The following ZNF385D variants were observed in gnomAD, a reference collection of about 807,000 sequenced individuals.
The protein encoded by ZNF385D is zinc finger protein 385D.
In ZNF385D, 15 loss-of-function variants were observed where a neutral mutation model predicts 35.8. That is an observed-to-expected ratio of 0.42 (90% CI 0.28 to 0.64). ZNF385D has a LOEUF of 0.64. Ranked by LOEUF, ZNF385D falls within the 30% of genes least tolerant of loss-of-function variation. The pLI is 0.23. For missense variants in ZNF385D, 474 were observed against 494.6 expected, an observed-to-expected ratio of 0.96 and a Z score of 0.39; for synonymous variants, 212 against 186.8, an observed-to-expected ratio of 1.13 and a Z score of -1.10.
intron 1 of ZNF385D, among the ~76,000 whole-genome samples, chr3:21,727,621 A>G (rs1013139773): frequency 1.3e-5 from 2 of 152,250 alleles, no homozygotes; most frequent in Admixed American, 1.3e-4. Context: ...ATGAGATACC[A>G]TCTCACGCCA....
chr3:22,318,721 A>G (rs1022693986), intron 2 of ZNF385D, among the ~76,000 whole-genome samples: 1 of 152,202 alleles, frequency 6.6e-6, no homozygotes, highest in Non-Finnish European at 1.5e-5. Context: ...GGAAATCACA[A>G]ATTTTTAAAG....
At chr3:21,772,606 G>C (rs1011827591) in intron 3 of ZNF385D, among the ~76,000 whole-genome samples, 3 of 151,866 alleles carry the variant, frequency 2.0e-5, no homozygotes, top group Non-Finnish European at 4.4e-5. Context: ...TGCATTGTTG[G>C]TGGGAATGTA....
rs139281179 is a variant in ZNF385D at position 22,256,166 on chromosome 3, T to TATATACATATAC, written c.107-87143_107-87132dup. Among the ~76,000 whole-genome samples, 117 of 151,200 alleles carry TATATACATATAC rather than the reference T, an allele frequency of 7.7e-4. 1 individual carries two copies. Among genetic ancestry groups the TATATACATATAC allele is most frequent in the African/African-American group, 2.5e-3 (104 of 41,212 alleles). On this transcript the variant is annotated intron_variant, in intron 2 of 5. Transcript: ENST00000494108. ...CTGGCTCTCCTTGTTCGTCAGCATA[T>TATATACATATAC]ATATACATATACATATACATATACA...
At chr3:22,293,818 C>T (rs1702427533) in intron 2 of ZNF385D, among the ~76,000 whole-genome samples, 1 of 152,082 alleles carries the variant, frequency 6.6e-6, no homozygotes, top group Non-Finnish European at 1.5e-5. Flanking sequence ...GAATCAGTAT[C>T]CCTGGAGGTG....
intron 3 of ZNF385D, among the ~76,000 whole-genome samples, chr3:21,813,361 G>C (rs1463425010): frequency 6.6e-6 from 1 of 152,208 alleles, no homozygotes. Context: ...TTGACGAGTT[G>C]ACAGAAGTAG....
chr3:22,041,581 A>T (rs1698664766), intron 3 of ZNF385D, among the ~76,000 whole-genome samples: 1 of 152,202 alleles, frequency 6.6e-6, no homozygotes, highest in African/African-American at 2.4e-5. Flanking sequence ...TGATGCCATT[A>T]AACTCAGTAT....
chr3:22,239,017 A>G (rs1699344576), intron 2 of ZNF385D, among the ~76,000 whole-genome samples: 1 of 150,664 alleles, frequency 6.6e-6, no homozygotes, highest in Admixed American at 6.6e-5. Context: ...GCCTCCCCAA[A>G]TACTGGGATC....
intron 3 of ZNF385D, among the ~76,000 whole-genome samples, chr3:22,102,351 C>T (rs1406155522): frequency 6.6e-6 from 1 of 151,964 alleles, no homozygotes; most frequent in Non-Finnish European, 1.5e-5. Context: ...GAACCAAAAA[C>T]AGAGAGAAGC....
At chr3:21,569,938 A>T (rs1227030016) in intron 2 of ZNF385D, among the ~76,000 whole-genome samples, 64 of 145,428 alleles carry the variant, frequency 4.4e-4, no homozygotes, top group African/African-American at 7.5e-4. Flanking sequence ...GGATAGCATT[A>T]GGAGATATAC....
chr3:21,597,259 T>C (rs1460520396), intron 2 of ZNF385D, among the ~76,000 whole-genome samples: 1 of 152,100 alleles, frequency 6.6e-6, no homozygotes, highest in Non-Finnish European at 1.5e-5. Context: ...AGTATTATCA[T>C]GTGACTCGAA....
At chr3:21,771,510 G>T (rs941593189) in intron 3 of ZNF385D, among the ~76,000 whole-genome samples, 3 of 151,716 alleles carry the variant, frequency 2.0e-5, no homozygotes, top group Non-Finnish European at 4.4e-5. Context: ...AACAGAAATT[G>T]TTCCTAAAAA....
At chr3:21,521,189 G>A (rs537640409) in intron 3 of ZNF385D, among the ~76,000 whole-genome samples, 1 of 152,278 alleles carries the variant, frequency 6.6e-6, no homozygotes, top group Non-Finnish European at 1.5e-5. Flanking sequence ...GCTTACAGTT[G>A]AGCCAAATGT....
At chr3:22,168,782 T>C (rs2272363) in intron 3 of ZNF385D, 186,661 of 975,148 alleles carry the variant, frequency 0.19, 18,139 homozygotes, top group African/African-American at 0.21. Flanking sequence ...AAATTGATGA[T>C]GTAAAATTGA....
chr3:21,660,585 A>T (rs146885374), intron 2 of ZNF385D, among the ~76,000 whole-genome samples: 2 of 152,204 alleles, frequency 1.3e-5, no homozygotes, highest in Non-Finnish European at 2.9e-5. Context: ...TGAAGAAAAT[A>T]CATATGTTAG....
intron 3 of ZNF385D, among the ~76,000 whole-genome samples, chr3:22,066,783 T>A (rs1296217448): frequency 6.6e-6 from 1 of 152,164 alleles, no homozygotes; most frequent in East Asian, 1.9e-4. Context: ...GTTCATGACC[T>A]GAGATGTGTC....
At chr3:21,505,952 C>G (rs1298767213) in intron 4 of ZNF385D, among the ~76,000 whole-genome samples, 2 of 152,094 alleles carry the variant, frequency 1.3e-5, no homozygotes, top group African/African-American at 2.4e-5. Flanking sequence ...TCTCTCCTCC[C>G]TCGAAGTACC....
chr3:21,790,138 A>G (rs2071867440), intron 3 of ZNF385D, among the ~76,000 whole-genome samples: 1 of 152,162 alleles, frequency 6.6e-6, no homozygotes, highest in Non-Finnish European at 1.5e-5. Context: ...GAGGACATGT[A>G]TTAAACTGCT....
chr3:21,634,039 A>T (rs2065354437), intron 2 of ZNF385D, among the ~76,000 whole-genome samples: 1 of 151,974 alleles, frequency 6.6e-6, no homozygotes, highest in African/African-American at 2.4e-5. Context: ...TCTGCAAAAA[A>T]TACAAAAAAT....
intron 3 of ZNF385D, among the ~76,000 whole-genome samples, chr3:21,825,821 T>A (rs927736998): frequency 6.6e-6 from 1 of 152,198 alleles, no homozygotes; most frequent in African/African-American, 2.4e-5. Context: ...CCTCGCTTGT[T>A]AGGAACCAGG....
Sources: allele counts gnomAD v4.1 joint callset (sites outside exome capture counted in the v4.1 genomes callset), GRCh38; gene constraint gnomAD v4.1.1; transcripts MANE v1.5; gene names NCBI Gene and HGNC (gene_info 2026-07-23, HGNC 2026-07-21).